The following SDK1 variants were observed in gnomAD, a reference collection of about 807,000 sequenced individuals.
SDK1 encodes sidekick cell adhesion molecule 1.
A neutral mutation model predicts 245.5 loss-of-function variants in SDK1; 157 were observed. The ratio of observed to expected loss-of-function variants is 0.64; its 90% CI spans 0.56 to 0.73. The LOEUF (loss-of-function observed/expected upper bound fraction) is 0.73. Among genes scored for constraint, SDK1 ranks in the 30% least tolerant of loss-of-function variants. The probability of loss-of-function intolerance (pLI) is 0.00; values close to 1 mark genes in which losing one functional copy is unlikely to be tolerated. For synonymous variants in SDK1, 1,647 were observed against 1,278.5 expected (o/e 1.29, Z -6.15); for missense variants, 3,583 against 3,002.3 (o/e 1.19, Z -4.52).
intron 5 of SDK1, among the ~76,000 whole-genome samples, chr7:3,932,961 G>T (rs1438843737): frequency 6.6e-6 from 1 of 150,888 alleles, no homozygotes; most frequent in Non-Finnish European, 1.5e-5. Context: ...CTCCACTCAG[G>T]ACAGTGAATC....
At chr7:3,495,031 A>G (rs1290058340) in intron 1 of SDK1, among the ~76,000 whole-genome samples, 3 of 151,986 alleles carry the variant, frequency 2.0e-5, no homozygotes, top group East Asian at 3.9e-4. Flanking sequence ...TCCTTCATCT[A>G]ATTTCTTCAA....
At chr7:3,876,095 G>C (rs112222268) in intron 5 of SDK1, among the ~76,000 whole-genome samples, 2 of 152,176 alleles carry the variant, frequency 1.3e-5, no homozygotes, top group Admixed American at 6.5e-5. Flanking sequence ...CAGAACTGCT[G>C]TGGTGTGAGT....
intron 4 of SDK1, among the ~76,000 whole-genome samples, chr7:3,762,924 A>G (rs910570959): frequency 1.3e-5 from 2 of 152,194 alleles, no homozygotes; most frequent in African/African-American, 2.4e-5. Flanking sequence ...GCACAAGTCT[A>G]CAACATAACT....
At chr7:3,696,360 C>G (rs1203521112) in intron 4 of SDK1, among the ~76,000 whole-genome samples, 2 of 151,988 alleles carry the variant, frequency 1.3e-5, no homozygotes, top group Admixed American at 1.3e-4. Context: ...CCCTGACGTC[C>G]AAGGGACACG....
At chr7:4,226,962 T>C (rs1785483837) in intron 40 of SDK1, among the ~76,000 whole-genome samples, 1 of 151,028 alleles carries the variant, frequency 6.6e-6, no homozygotes, top group Non-Finnish European at 1.5e-5. Flanking sequence ...TTAAATAATG[T>C]GTGTAGCCCA....
At chr7:3,752,226 G>T (rs1583375061) in intron 4 of SDK1, among the ~76,000 whole-genome samples, 2 of 152,282 alleles carry the variant, frequency 1.3e-5, no homozygotes, top group East Asian at 1.9e-4. Context: ...AGGGACTGCA[G>T]TCTATGTAAT....
intron 1 of SDK1, among the ~76,000 whole-genome samples, chr7:3,545,614 T>C (rs988341415): frequency 4.3e-4 from 66 of 152,198 alleles, no homozygotes; most frequent in African/African-American, 1.6e-3. Flanking sequence ...TATTACATGA[T>C]TGAAATGAAA....
At chr7:3,321,698 TC>T (rs1779807088) in intron 1 of SDK1, among the ~76,000 whole-genome samples, 2 of 89,376 alleles carry the variant, frequency 2.2e-5, no homozygotes, top group South Asian at 7.9e-4. Flanking sequence ...TTCCTTCTCC[TC>T]CTCCTCCTCC....
chr7:3,882,957 G>GC (rs1476529195), intron 5 of SDK1, among the ~76,000 whole-genome samples: 3 of 152,166 alleles, frequency 2.0e-5, no homozygotes, highest in Middle Eastern at 3.2e-3. Context: ...TGGAACATTT[G>GC]CCCCGTTTCC....
At chr7:3,737,172 C>T (rs905099768) in intron 4 of SDK1, among the ~76,000 whole-genome samples, 7 of 152,134 alleles carry the variant, frequency 4.6e-5, no homozygotes, top group Admixed American at 1.3e-4. Flanking sequence ...GCCCTGCAGT[C>T]GGGTGGGGGA....
chr7:4,039,927 T>G (rs1788491583), intron 17 of SDK1, among the ~76,000 whole-genome samples: 1 of 152,194 alleles, frequency 6.6e-6, no homozygotes, highest in Admixed American at 6.5e-5. Context: ...TACGTTTTAC[T>G]TAGTCACATA....
intron 4 of SDK1, among the ~76,000 whole-genome samples, chr7:3,807,032 G>A (rs1779267472): frequency 6.6e-6 from 1 of 152,024 alleles, no homozygotes; most frequent in Admixed American, 6.6e-5. Context: ...ATCTGAAGTT[G>A]TCATCTTATT....
chr7:3,373,919 A>G (rs1327046325), intron 1 of SDK1, among the ~76,000 whole-genome samples: 1 of 152,228 alleles, frequency 6.6e-6, no homozygotes, highest in Non-Finnish European at 1.5e-5. Flanking sequence ...TACATGATTT[A>G]TATGAAGAAA....
chr7:3,504,182 ATGTGTGTGTGTGTG>A (rs56306302), intron 1 of SDK1, among the ~76,000 whole-genome samples: 6 of 131,942 alleles, frequency 4.5e-5, no homozygotes, highest in Admixed American at 8.1e-5. Flanking sequence ...ATATATATAT[ATGTGTGTGTGTGTG>A]TGTGTGTGTG....
chr7:3,585,751 C>T (rs74915211), intron 1 of SDK1, among the ~76,000 whole-genome samples: 2,957 of 152,168 alleles, frequency 0.019, 96 homozygotes, highest in African/African-American at 0.066. Context: ...TTGAGCACAG[C>T]ATAAGAGATG....
At chr7:4,200,100 C>A (rs1489836582) in intron 35 of SDK1, among the ~76,000 whole-genome samples, 1 of 152,038 alleles carries the variant, frequency 6.6e-6, no homozygotes, top group East Asian at 1.9e-4. Context: ...ATCCCCCCAC[C>A]CCACAAAAAA....
chr7:3,971,022 A>G (rs531493154), intron 11 of SDK1, among the ~76,000 whole-genome samples: 3 of 152,200 alleles, frequency 2.0e-5, no homozygotes, highest in South Asian at 4.1e-4. Flanking sequence ...AACTGAGAAT[A>G]GTAATATTTA....
At chr7:3,887,215 G>A (rs1430537155) in intron 5 of SDK1, among the ~76,000 whole-genome samples, 1 of 152,096 alleles carries the variant, frequency 6.6e-6, no homozygotes, top group Non-Finnish European at 1.5e-5. Flanking sequence ...CTGAAGCTCA[G>A]CAGTAGCCCT....
intron 1 of SDK1, among the ~76,000 whole-genome samples, chr7:3,618,687 G>T (rs1781843328): frequency 6.6e-6 from 1 of 152,142 alleles, no homozygotes; most frequent in Non-Finnish European, 1.5e-5. Flanking sequence ...ACCAATTGAA[G>T]GTTATAGAGG....
Sources: gnomAD v4.1 joint callset for allele counts (sites outside exome capture counted in the v4.1 genomes callset) on GRCh38, gnomAD v4.1.1 for gene constraint, MANE v1.5 for transcripts, NCBI Gene and HGNC (gene_info 2026-07-23, HGNC 2026-07-21) for gene names.